GDA: variants seen among roughly 807,000 people sequenced by gnomAD.
The protein encoded by GDA is cytoplasmic PSD-95 interactor.
In GDA, 18 loss-of-function variants were observed where a neutral mutation model predicts 59.6. The ratio of observed to expected loss-of-function variants is 0.30; its 90% CI spans 0.21 to 0.45. GDA has a LOEUF of 0.45. GDA is among the 20% of genes least tolerant of loss of function. The probability of loss-of-function intolerance (pLI) is 1.00; values close to 1 mark genes in which losing one functional copy is unlikely to be tolerated. For missense variants in GDA, 427 were observed against 552.3 expected (o/e 0.77, Z 2.27); for synonymous variants, 201 against 201.1 (o/e 1.00, Z 0.00).
chr9:72,238,552 T>A (rs890554587), intron 10 of GDA, among the ~76,000 whole-genome samples: 26 of 152,342 alleles, frequency 1.7e-4, no homozygotes, highest in African/African-American at 5.8e-4. Context: ...AGTAAATGAT[T>A]GCTGAATAAG....
intron 1 of GDA, among the ~76,000 whole-genome samples, chr9:72,139,944 C>T (rs181784162): frequency 1.3e-5 from 2 of 152,150 alleles, no homozygotes; most frequent in African/African-American, 4.8e-5. Flanking sequence ...AATCAAAAGC[C>T]TGTACCTACC....
At chr9:72,196,768 G>A (rs1833248522) in intron 2 of GDA, among the ~76,000 whole-genome samples, 1 of 134,516 alleles carries the variant, frequency 7.4e-6, no homozygotes, top group African/African-American at 2.8e-5. Flanking sequence ...ACAGACCCCG[G>A]TGTGTGATGT....
At chr9:72,242,086 TACAA>T (rs1210302572) in intron 11 of GDA, among the ~76,000 whole-genome samples, 1 of 152,216 alleles carries the variant, frequency 6.6e-6, no homozygotes, top group African/African-American at 2.4e-5. Flanking sequence ...CATTTCGTTT[TACAA>T]ACAAGAAGCC....
intron 1 of GDA, among the ~76,000 whole-genome samples, chr9:72,125,319 ACTCC>A (rs144585463): frequency 1.9e-3 from 245 of 127,496 alleles, no homozygotes; most frequent in African/African-American, 5.4e-3. Flanking sequence ...TCCTTCCTTT[ACTCC>A]CTCCCTCCCT....
chr9:72,235,153 T>C (rs148080242), intron 10 of GDA, among the ~76,000 whole-genome samples: 1 of 152,200 alleles, frequency 6.6e-6, no homozygotes, highest in East Asian at 1.9e-4. Flanking sequence ...AAAATGAAAG[T>C]AAAAGCCAAA....
intron 1 of GDA, among the ~76,000 whole-genome samples, chr9:72,136,683 T>C (rs12352890): frequency 0.13 from 20,199 of 152,148 alleles, 2,888 homozygotes; most frequent in African/African-American, 0.36. Context: ...CTCATTAAAA[T>C]ATACATATGA....
intron 1 of GDA, among the ~76,000 whole-genome samples, chr9:72,172,859 T>C (rs1353197647): frequency 6.6e-6 from 1 of 152,204 alleles, no homozygotes; most frequent in Non-Finnish European, 1.5e-5. Flanking sequence ...AACCCTCCTG[T>C]AAACATTTAT....
chr9:72,226,604 C>T (rs1274957555), intron 8 of GDA, among the ~76,000 whole-genome samples: 1 of 152,122 alleles, frequency 6.6e-6, no homozygotes, highest in East Asian at 1.9e-4. Context: ...GTACAAACCG[C>T]ATGGAGAGTT....
chr9:72,168,729 A>C (rs1408483310), intron 1 of GDA, among the ~76,000 whole-genome samples: 1 of 152,144 alleles, frequency 6.6e-6, no homozygotes, highest in Non-Finnish European at 1.5e-5. Context: ...ACTGCTCTAA[A>C]TCTTTTACAT....
chr9:72,187,845 C>T (rs1382828679), intron 1 of GDA, among the ~76,000 whole-genome samples: 1 of 152,120 alleles, frequency 6.6e-6, no homozygotes, highest in Non-Finnish European at 1.5e-5. Flanking sequence ...GATGAGATCT[C>T]AGATGGAACT....
At chr9:72,202,544 T>A in intron 2 of GDA, 27 bp from the exon 3 acceptor site, 1 of 1,434,930 alleles carries the variant, frequency 7.0e-7, no homozygotes, top group Non-Finnish European at 9.6e-7. Flanking sequence ...TATTATTAAA[T>A]ACTTTTATTC....
chr9:72,254,141 G>A (rs80310104), downstream of GDA, among the ~76,000 whole-genome samples: 39 of 152,010 alleles, frequency 2.6e-4, no homozygotes, highest in Non-Finnish European at 4.6e-4. Context: ...ATAAAAGGGA[G>A]ATGTTCTCTG....
chr9:72,170,446 T>C (rs529845664), intron 1 of GDA, among the ~76,000 whole-genome samples: 1 of 152,308 alleles, frequency 6.6e-6, no homozygotes, highest in South Asian at 2.1e-4. Context: ...AGTTAAATAA[T>C]GTGAAAAATA....
At chr9:72,240,830 ATC>A (rs999437562) in intron 10 of GDA, among the ~76,000 whole-genome samples, 15 of 152,320 alleles carry the variant, frequency 9.8e-5, no homozygotes, top group Admixed American at 9.8e-4. Context: ...TCTTGTGGGG[ATC>A]ATGGCCCTGC....
chr9:72,165,563 T>C (rs1469708974), intron 1 of GDA, among the ~76,000 whole-genome samples: 1 of 152,140 alleles, frequency 6.6e-6, no homozygotes, highest in East Asian at 1.9e-4. Context: ...ATGTGAGGTA[T>C]GTGTAGGGAA....
chr9:72,222,684 GT>G (rs1250452347), intron 6 of GDA, among the ~76,000 whole-genome samples: 1 of 151,636 alleles, frequency 6.6e-6, no homozygotes, highest in African/African-American at 2.4e-5. Flanking sequence ...TTCCAAGGTT[GT>G]TTTTTTGTTG....
intron 1 of GDA, among the ~76,000 whole-genome samples, chr9:72,143,022 G>A (rs943322371): frequency 7.2e-5 from 11 of 151,920 alleles, no homozygotes; most frequent in Admixed American, 3.3e-4. Flanking sequence ...ACCTGCCTCG[G>A]CCTCCCAAAG....
intron 1 of GDA, among the ~76,000 whole-genome samples, chr9:72,179,585 C>G (rs747480792): frequency 3.9e-5 from 6 of 152,088 alleles, no homozygotes; most frequent in Non-Finnish European, 8.8e-5. Flanking sequence ...GTTTTCCTGT[C>G]GATTTATTAG....
At chr9:72,200,114 C>T (rs548339969) in intron 2 of GDA, among the ~76,000 whole-genome samples, 5 of 151,324 alleles carry the variant, frequency 3.3e-5, no homozygotes, top group Non-Finnish European at 7.4e-5. Flanking sequence ...TCTCCTGCCT[C>T]AGCCGCCCGA....
Sources: allele counts gnomAD v4.1 joint callset (sites outside exome capture counted in the v4.1 genomes callset), GRCh38; gene constraint gnomAD v4.1.1; transcripts MANE v1.5; gene names NCBI Gene and HGNC (gene_info 2026-07-23, HGNC 2026-07-21).